The following RNF125 variants were observed in gnomAD, a reference collection of about 807,000 sequenced individuals.
The protein encoded by RNF125 is E3 ubiquitin-protein ligase RNF125.
In RNF125, 21 loss-of-function variants were observed where a neutral mutation model predicts 26.0. That is an observed-to-expected ratio of 0.81 (90% confidence interval 0.57 to 1.16). The LOEUF is 1.16. Ranked by LOEUF, RNF125 falls within the 50% of genes most tolerant of loss-of-function variation. RNF125 has a pLI of 0.00. For missense variants in RNF125, 270 were observed against 299.4 expected (o/e 0.90, Z 0.72); for synonymous variants, 95 against 109.2 (o/e 0.87, Z 0.81).
Position 32,031,486 on chromosome 18 carries a change from G to GAAAAAAAAAAAAAAAAAA in RNF125, c.165-5621_165-5604dup, listed in dbSNP as rs745809061. 1.4e-4 allele frequency: 3 copies of GAAAAAAAAAAAAAAAAAA among 20,956 alleles called. 1 individual carries two copies. Among genetic ancestry groups the GAAAAAAAAAAAAAAAAAA allele is most frequent in the South Asian group, 5.3e-3 (2 of 378 alleles). The allele number at this position is 20,956 out of a possible 1,614,324, so 1.3% of individuals were successfully genotyped here. ...CATTGGCATACAACTCAAATTGTGG[G>GAAAAAAAAAAAAAAAAAA]AAAAAAAAAAAAAAAAAAAAAAAAA... On this transcript the variant is annotated intron_variant, in intron 1 of 5. Coordinates refer to ENST00000217740, the MANE Select transcript of RNF125 (RefSeq NM_017831.4).
intron 4 of RNF125, among the ~76,000 whole-genome samples, chr18:32,063,418 A>T (rs981643242): frequency 3.9e-5 from 6 of 152,202 alleles, no homozygotes; most frequent in African/African-American, 7.2e-5. Flanking sequence ...AATTTGGACA[A>T]TACCAAATGT....
At position 32,042,090 on chromosome 18, in the gene RNF125, C is replaced by T. The variant is rs1598815789; in HGVS notation, c.319-89C>T. The T allele has an allele frequency of 3.9e-5, 34 of 881,362 alleles. No individual in the cohort carries two copies. In the East Asian group the frequency reaches 8.7e-4, roughly 23 times the overall value. 54.6% of individuals were successfully genotyped at this position (881,362 alleles called of 1,614,324 possible). A position where few individuals can be genotyped will look rare whatever the true frequency, so the allele number is the denominator to read the frequency against. ...TAGTCAGTTGATCCCACAGTATGAC[C>T]TTACTTGAAAGTTAAAAGGCTGGAT... On this transcript the variant is annotated intron_variant, in intron 2 of 5. Transcript: ENST00000217740.
intron 5 of RNF125, 63 bp downstream of exon 5, chr18:32,066,072 G>C: frequency 9.7e-7 from 1 of 1,033,788 alleles, no homozygotes; most frequent in Middle Eastern, 2.1e-4. Context: ...TTACCTTTCC[G>C]ATCCAAGTGA....
intron 4 of RNF125, among the ~76,000 whole-genome samples, chr18:32,050,879 T>C (rs1310517913): frequency 9.1e-5 from 11 of 120,936 alleles, no homozygotes; most frequent in South Asian, 5.8e-4. Context: ...TTTTTTTTTT[T>C]TTTTTTTTTT....
rs796828237 is a variant in RNF125, at chr18:32,037,364, CTTTTTTTTTT to C, written c.318+111_318+120del. Reference sequence around the variant, plus strand: ...CTGCTTCTGACCCCATGGTACGCACCTTTTTTTTTTTTTTTTTTTTTTTTTGAGACAGGTT... The same window carrying C: ...CTGCTTCTGACCCCATGGTACGCACCTTTTTTTTTTTTTTTGAGACAGGTT... On this transcript the variant is annotated intron_variant, in intron 2 of 5. Coordinates refer to ENST00000217740, the MANE Select transcript of RNF125 (RefSeq NM_017831.4). The C allele has an allele frequency of 6.4e-4, 85 of 132,876 alleles. 1 individual carries two copies. The highest frequency in any genetic ancestry group is 4.4e-3 in the Admixed American group (26 of 5,956). 8.2% of individuals were successfully genotyped at this position (132,876 alleles called of 1,614,324 possible). A position where few individuals can be genotyped will look rare whatever the true frequency, so the allele number is the denominator to read the frequency against.
intron 4 of RNF125, among the ~76,000 whole-genome samples, chr18:32,054,768 G>A (rs1243665850): frequency 1.3e-5 from 2 of 152,108 alleles, no homozygotes; most frequent in Non-Finnish European, 2.9e-5. Flanking sequence ...TTCCCAAAAA[G>A]GAATTCTTTA....
intron 5 of RNF125, 61 bp downstream of exon 5, chr18:32,066,070 C>T (rs964266105): frequency 1.9e-6 from 2 of 1,068,870 alleles, no homozygotes; most frequent in African/African-American, 1.6e-5. Context: ...GCTTACCTTT[C>T]CGATCCAAGT....
intron 4 of RNF125, among the ~76,000 whole-genome samples, chr18:32,051,414 C>T (rs890889416): frequency 6.6e-6 from 1 of 151,726 alleles, no homozygotes; most frequent in South Asian, 2.1e-4. Flanking sequence ...GTCAGGAGTT[C>T]GAGACTAGCC....
intron 1 of RNF125, among the ~76,000 whole-genome samples, chr18:32,023,677 T>C (rs2039006221): frequency 6.6e-6 from 1 of 152,230 alleles, no homozygotes; most frequent in Non-Finnish European, 1.5e-5. Context: ...ACTGAACTTA[T>C]GCATGTAACT....
At chr18:32,020,704 T>A (rs1299493331) in intron 1 of RNF125, among the ~76,000 whole-genome samples, 1 of 151,086 alleles carries the variant, frequency 6.6e-6, no homozygotes, top group Non-Finnish European at 1.5e-5. Flanking sequence ...AGGTCAGGAG[T>A]TCGAGACCAG....
intron 1 of RNF125, among the ~76,000 whole-genome samples, chr18:32,036,630 G>A: frequency 8.2e-6 from 1 of 122,368 alleles, no homozygotes; most frequent in South Asian, 3.3e-4. Flanking sequence ...GGGGAGAGGG[G>A]AGGGAGGGAG....
intron 4 of RNF125, among the ~76,000 whole-genome samples, chr18:32,052,956 C>T (rs1344941332): frequency 6.6e-6 from 1 of 152,152 alleles, no homozygotes; most frequent in Non-Finnish European, 1.5e-5. Context: ...GCTATTAGAA[C>T]TTAAGAAAAG....
intron 4 of RNF125, among the ~76,000 whole-genome samples, chr18:32,053,366 CA>C (rs59117416): frequency 8.8e-4 from 122 of 138,018 alleles, no homozygotes; most frequent in East Asian, 1.1e-3. Flanking sequence ...CTGTCTCAAA[CA>C]AAAAAAAAAA....
At chr18:32,048,535 A>G (rs2039295060) in intron 4 of RNF125, among the ~76,000 whole-genome samples, 1 of 152,208 alleles carries the variant, frequency 6.6e-6, no homozygotes. Context: ...TTTAAAAATG[A>G]TAAACTGAGA....
chr18:32,061,124 A>G (rs1444858413), intron 4 of RNF125, among the ~76,000 whole-genome samples: 1 of 152,088 alleles, frequency 6.6e-6, no homozygotes, highest in Non-Finnish European at 1.5e-5. Flanking sequence ...TCCTGGGTTC[A>G]CGCCATTCTC....
chr18:32,023,663 T>C (rs1042310702), intron 1 of RNF125, among the ~76,000 whole-genome samples: 1 of 152,234 alleles, frequency 6.6e-6, no homozygotes, highest in African/African-American at 2.4e-5. Flanking sequence ...CTGTTCAGAC[T>C]GTTACTGAAC....
At chr18:32,037,074 G>A in intron 1 of RNF125, 42 bp from the exon 2 acceptor site, 1 of 1,550,894 alleles carries the variant, frequency 6.4e-7, no homozygotes, top group South Asian at 1.2e-5. Context: ...GCTCCTTATA[G>A]CTTTCAAGGA....
chr18:32,086,355 GT>G, the RNF125 span, among the ~76,000 whole-genome samples: 60,115 of 133,502 alleles, frequency 0.45, 13,393 homozygotes, highest in Admixed American at 0.56. Flanking sequence ...AGATATTTGT[GT>G]TTTTTTTTTT....
At chr18:32,022,596 G>C (rs72479858) in intron 1 of RNF125, among the ~76,000 whole-genome samples, 8,145 of 152,232 alleles carry the variant, frequency 0.054, 336 homozygotes, top group East Asian at 0.23. Context: ...CTTGGAACAT[G>C]GTTATGGGAG....
Sources: gnomAD v4.1 joint callset for allele counts (sites outside exome capture counted in the v4.1 genomes callset) on GRCh38, gnomAD v4.1.1 for gene constraint, MANE v1.5 for transcripts, NCBI Gene and HGNC (gene_info 2026-07-23, HGNC 2026-07-21) for gene names.